Variants in PAPPA2 observed in about 807,000 individuals in gnomAD.
PAPPA2 encodes the protein pappalysin 2.
In PAPPA2, 86 loss-of-function variants were observed where a neutral mutation model predicts 176.4. The observed-to-expected ratio is 0.49, with a 90% confidence interval of 0.41 to 0.58. The LOEUF is 0.58. Ranked by LOEUF, PAPPA2 falls within the 20% of genes least tolerant of loss-of-function variation. The probability of loss-of-function intolerance (pLI) is 0.00; values close to 1 mark genes in which losing one functional copy is unlikely to be tolerated. For missense variants in PAPPA2, 2,073 were observed against 2,256.9 expected, an observed-to-expected ratio of 0.92 and a Z score of 1.65; for synonymous variants, 809 against 852.2, an observed-to-expected ratio of 0.95 and a Z score of 0.88.
chr1:176,649,319 C>T (rs1447052415), intron 3 of PAPPA2, among the ~76,000 whole-genome samples: 3 of 150,234 alleles, frequency 2.0e-5, no homozygotes, highest in Non-Finnish European at 4.5e-5. Context: ...TGGTTTGAGT[C>T]TTCTCTTTTT....
At chr1:176,625,490 C>A (rs1655955152) in intron 3 of PAPPA2, among the ~76,000 whole-genome samples, 1 of 152,166 alleles carries the variant, frequency 6.6e-6, no homozygotes, top group Non-Finnish European at 1.5e-5. Context: ...AGTAAATACA[C>A]AAATAGTCCT....
At chr1:176,808,386 C>A (rs1243626324) in intron 21 of PAPPA2, among the ~76,000 whole-genome samples, 1 of 152,132 alleles carries the variant, frequency 6.6e-6, no homozygotes, top group African/African-American at 2.4e-5. Flanking sequence ...CAGTGCCCAG[C>A]TCGCATTTTG....
chr1:176,810,077 G>A (rs1226112960), intron 21 of PAPPA2, among the ~76,000 whole-genome samples: 6 of 151,344 alleles, frequency 4.0e-5, no homozygotes, highest in Non-Finnish European at 8.8e-5. Context: ...AGAAATTCTA[G>A]AGCTCTTTGT....
chr1:176,601,908 A>G (rs920490722), intron 3 of PAPPA2, among the ~76,000 whole-genome samples: 2 of 152,146 alleles, frequency 1.3e-5, no homozygotes, highest in Non-Finnish European at 1.5e-5. Context: ...TTTCCATCCC[A>G]TGCTTTCTCT....
intron 21 of PAPPA2, among the ~76,000 whole-genome samples, chr1:176,808,386 C>G (rs1243626324): frequency 6.6e-6 from 1 of 152,132 alleles, no homozygotes; most frequent in Admixed American, 6.5e-5. Context: ...CAGTGCCCAG[C>G]TCGCATTTTG....
chr1:176,577,710 G>T (rs954933659), intron 2 of PAPPA2, among the ~76,000 whole-genome samples: 2 of 151,920 alleles, frequency 1.3e-5, no homozygotes, highest in African/African-American at 4.8e-5. Flanking sequence ...TGCTCTCTCT[G>T]GGGGGTCGGG....
At chr1:176,485,463 C>T (rs1457611458) in intron 1 of PAPPA2, among the ~76,000 whole-genome samples, 1 of 152,156 alleles carries the variant, frequency 6.6e-6, no homozygotes, top group African/African-American at 2.4e-5. Context: ...CTCTCCCACT[C>T]TTTCAATTAT....
chr1:176,554,296 C>A (rs964606814), intron 1 of PAPPA2, among the ~76,000 whole-genome samples: 1 of 152,206 alleles, frequency 6.6e-6, no homozygotes, highest in African/African-American at 2.4e-5. Flanking sequence ...ATGTGGGCAA[C>A]ACAAGCAGTG....
At chr1:176,579,733 G>A (rs902207604) in intron 2 of PAPPA2, among the ~76,000 whole-genome samples, 10 of 152,152 alleles carry the variant, frequency 6.6e-5, no homozygotes, top group African/African-American at 2.4e-4. Flanking sequence ...ACTTGGTTTT[G>A]ATACCTTACT....
intron 12 of PAPPA2, among the ~76,000 whole-genome samples, chr1:176,727,464 G>A (rs561274997): frequency 1.4e-4 from 22 of 152,068 alleles, no homozygotes; most frequent in South Asian, 4.2e-4. Flanking sequence ...AGAGATAAAG[G>A]AGCATATTTC....
chr1:176,787,576 G>A (rs576173932), intron 17 of PAPPA2, among the ~76,000 whole-genome samples: 2 of 152,126 alleles, frequency 1.3e-5, no homozygotes, highest in Admixed American at 1.3e-4. Context: ...TGGGAATAAA[G>A]TTATGAATCT....
chr1:176,661,617 A>G (rs150646536), intron 3 of PAPPA2, among the ~76,000 whole-genome samples: 2 of 151,364 alleles, frequency 1.3e-5, no homozygotes, highest in Non-Finnish European at 2.9e-5. Flanking sequence ...GGATGCGGGA[A>G]CACTATTGCC....
intron 1 of PAPPA2, among the ~76,000 whole-genome samples, chr1:176,490,001 G>A (rs892223493): frequency 1.2e-4 from 18 of 152,106 alleles, no homozygotes; most frequent in African/African-American, 4.1e-4. Context: ...TCTGGATCTT[G>A]TTCTATGCCA....
intron 2 of PAPPA2, among the ~76,000 whole-genome samples, chr1:176,565,720 A>G (rs1484848290): frequency 6.6e-6 from 1 of 152,226 alleles, no homozygotes; most frequent in East Asian, 1.9e-4. Flanking sequence ...GGCTTCTGCG[A>G]CATCACTGGT....
In PAPPA2 at chr1:176,671,061, G is replaced by A. The variant is rs201995970; in HGVS notation, c.2083G>A (p.Asp695Asn). ...NIYFASSVRE[D>N]LAGAATWPWD... ...CTACTTTGCCAGCTCAGTGCGGGAA[G>A]ACCTTGCAGGTGCTGCCACCTGGCC... The change falls in exon 4 of 23, where the codon GAC becomes AAC. Residue 695 changes from aspartate to asparagine, a missense_variant. Around this residue, in one of 4 missense-constraint regions of PAPPA2, gnomAD observed 1,196 missense variants for 1,330.4 expected, o/e 0.90. Coordinates refer to ENST00000367662, the MANE Select transcript of PAPPA2 (RefSeq NM_020318.3). 1.8e-4 allele frequency: 298 copies of A among 1,614,004 alleles called. 3 individuals are homozygous for A. In the South Asian group the frequency reaches 2.5e-3, roughly 14 times the overall value.
intron 1 of PAPPA2, among the ~76,000 whole-genome samples, chr1:176,501,580 T>C (rs1647966115): frequency 6.6e-6 from 1 of 152,346 alleles, no homozygotes; most frequent in East Asian, 1.9e-4. Flanking sequence ...TAAGACCTTT[T>C]CTCTCTTGCT....
chr1:176,779,832 A>G (rs1664635605), intron 17 of PAPPA2, among the ~76,000 whole-genome samples: 2 of 152,168 alleles, frequency 1.3e-5, no homozygotes. Context: ...GCTGCTACAC[A>G]TTCTTCCTGA....
intron 2 of PAPPA2, among the ~76,000 whole-genome samples, chr1:176,580,072 T>G (rs932938729): frequency 1.3e-5 from 2 of 152,202 alleles, no homozygotes; most frequent in African/African-American, 4.8e-5. Context: ...TTAACCATAG[T>G]CATCCTACAG....
intron 1 of PAPPA2, among the ~76,000 whole-genome samples, chr1:176,517,764 T>C (rs1333321096): frequency 1.3e-5 from 2 of 152,128 alleles, no homozygotes; most frequent in African/African-American, 2.4e-5. Context: ...GCGCCTTTCA[T>C]TGGTACTCCT....
Sources: gnomAD v4.1 joint callset for allele counts (sites outside exome capture counted in the v4.1 genomes callset) on GRCh38, gnomAD v4.1.1 for gene constraint, gnomAD v4.1.1 regional missense constraint, MANE v1.5 for transcripts, NCBI Gene and HGNC (gene_info 2026-07-23, HGNC 2026-07-21) for gene names.